The following CA10 variants were observed in gnomAD, a reference collection of about 807,000 sequenced individuals.
CA10 encodes the protein carbonic anhydrase-related protein 10.
Under a neutral mutation model 44.2 loss-of-function variants are expected in CA10, and 14 were observed. That is an observed-to-expected ratio of 0.32 (90% confidence interval 0.21 to 0.50). CA10 has a LOEUF of 0.50. Among genes scored for constraint, CA10 ranks in the 20% least tolerant of loss-of-function variants. CA10 has a pLI of 0.99. For missense variants in CA10, 350 were observed against 409.7 expected, an observed-to-expected ratio of 0.85 and a Z score of 1.26; for synonymous variants, 159 against 141.6, an observed-to-expected ratio of 1.12 and a Z score of -0.87.
In CA10 at chr17:52,106,653, C is replaced by T. The variant is rs114039090; in HGVS notation, c.62-34260G>A. ...GGAACTGTAACAGGCTATGCTACAA[C>T]TCTGTAATACTCCTTGGTAAATGAC... On this transcript the variant is annotated intron_variant, in intron 1 of 8. Transcript: ENST00000451037. Among the ~76,000 whole-genome samples, 370 of 152,284 alleles carry T rather than the reference C, an allele frequency of 2.4e-3. 1 individual carries two copies. Among genetic ancestry groups the T allele is most frequent in the African/African-American group, 8.4e-3 (350 of 41,548 alleles).
intron 1 of CA10, among the ~76,000 whole-genome samples, chr17:52,144,815 A>C (rs886845553): frequency 6.6e-6 from 1 of 152,222 alleles, no homozygotes; most frequent in Non-Finnish European, 1.5e-5. Context: ...TATCGAAAGC[A>C]AAAGCCACCA....
At chr17:51,746,643 G>A (rs373328597) in intron 4 of CA10, among the ~76,000 whole-genome samples, 42 of 152,286 alleles carry the variant, frequency 2.8e-4, no homozygotes, top group African/African-American at 9.6e-4. Flanking sequence ...CTCCTCTGTG[G>A]TAGGAGCCCT....
intron 4 of CA10, among the ~76,000 whole-genome samples, chr17:51,720,999 C>T (rs1916332922): frequency 6.6e-6 from 1 of 152,096 alleles, no homozygotes; most frequent in African/African-American, 2.4e-5. Flanking sequence ...ACATTGTATC[C>T]CACATATATA....
In CA10 at chr17:51,993,527, A is replaced by T. The variant is rs529107679; in HGVS notation, c.137-62395T>A. Among the ~76,000 whole-genome samples the T allele has an allele frequency of 5.1e-4, 78 of 152,132 alleles. 1 individual carries two copies. Among genetic ancestry groups the T allele is most frequent in the Admixed American group, 9.2e-4 (14 of 15,268 alleles). On this transcript the variant is annotated intron_variant, in intron 2 of 8. Transcript: ENST00000451037. The stretch of plus-strand genomic sequence containing the variant: ...TAGCATCCGTGTAACCATGAACAGA[A>T]ATCCTCCCCAGTGCCTCAGGTGTTC...
chr17:51,811,010 A>T (rs1907339375), intron 3 of CA10, among the ~76,000 whole-genome samples: 1 of 152,210 alleles, frequency 6.6e-6, no homozygotes, highest in Non-Finnish European at 1.5e-5. Context: ...AGCCTGGCCA[A>T]CATGGCGAAA....
chr17:51,784,334 C>T lies in CA10; in HGVS notation c.280-36516G>A, dbSNP rs80094227. 1.4e-4 allele frequency among the ~76,000 whole-genome samples: 21 copies of T among 152,178 alleles called. 1 individual carries two copies. In the East Asian group the frequency reaches 4.1e-3, roughly 30 times the overall value. On this transcript the variant is annotated intron_variant, in intron 3 of 8. Transcript: ENST00000451037. ...CCTGCAGCACTGTGATTCTCATTAG[C>T]CTCTGAAAGGTGTGAGGGAAACATG...
At chr17:51,812,242 G>C (rs1390622325) in intron 3 of CA10, among the ~76,000 whole-genome samples, 1 of 152,154 alleles carries the variant, frequency 6.6e-6, no homozygotes, top group East Asian at 1.9e-4. Context: ...TATAATTGAA[G>C]ACATTTAAAG....
At chr17:51,848,197 G>T (rs945449570) in intron 3 of CA10, among the ~76,000 whole-genome samples, 1 of 152,172 alleles carries the variant, frequency 6.6e-6, no homozygotes, top group African/African-American at 2.4e-5. Flanking sequence ...CTCTTCATTT[G>T]GTTGATGCAT....
At chr17:51,816,604 T>C (rs902575925) in intron 3 of CA10, among the ~76,000 whole-genome samples, 1 of 152,238 alleles carries the variant, frequency 6.6e-6, no homozygotes, top group African/African-American at 2.4e-5. Context: ...TATCCACAAC[T>C]AATTTTCTAA....
intron 2 of CA10, among the ~76,000 whole-genome samples, chr17:52,032,168 A>T (rs1402432424): frequency 6.6e-6 from 1 of 152,218 alleles, no homozygotes; most frequent in Non-Finnish European, 1.5e-5. Flanking sequence ...ATGGTTAAAA[A>T]TATAGCTGGT....
chr17:52,106,417 G>T (rs963278375), intron 1 of CA10, among the ~76,000 whole-genome samples: 3 of 152,222 alleles, frequency 2.0e-5, no homozygotes, highest in Non-Finnish European at 2.9e-5. Flanking sequence ...AGGGAGGTGT[G>T]AGAAATGAGT....
At chr17:52,063,007 G>C (rs1987431548) in intron 2 of CA10, among the ~76,000 whole-genome samples, 1 of 152,232 alleles carries the variant, frequency 6.6e-6, no homozygotes, top group Non-Finnish European at 1.5e-5. Context: ...TGTGGGGGCA[G>C]GGCTTTCCAA....
intron 1 of CA10, among the ~76,000 whole-genome samples, chr17:52,095,539 C>G (rs1179455393): frequency 2.0e-5 from 3 of 152,120 alleles, no homozygotes; most frequent in Non-Finnish European, 4.4e-5. Flanking sequence ...ATATTTGTAA[C>G]TATACCAGTT....
At chr17:52,147,511 G>T (rs1989614837) in intron 1 of CA10, among the ~76,000 whole-genome samples, 1 of 147,042 alleles carries the variant, frequency 6.8e-6, no homozygotes, top group African/African-American at 2.5e-5. Context: ...AAAAAAGCCT[G>T]CACTAACTTA....
At chr17:52,055,465 A>G (rs925925023) in intron 2 of CA10, among the ~76,000 whole-genome samples, 3 of 152,106 alleles carry the variant, frequency 2.0e-5, no homozygotes, top group Non-Finnish European at 2.9e-5. Flanking sequence ...AGTAAAACAA[A>G]TTTAGTGTGA....
chr17:51,656,718 A>C (rs1341777014), intron 4 of CA10, among the ~76,000 whole-genome samples: 1 of 152,226 alleles, frequency 6.6e-6, no homozygotes, highest in African/African-American at 2.4e-5. Flanking sequence ...CTTGTTAGAA[A>C]TGCAGAATCG....
intron 2 of CA10, among the ~76,000 whole-genome samples, chr17:51,940,767 C>A (rs959816131): frequency 6.6e-6 from 1 of 151,822 alleles, no homozygotes; most frequent in African/African-American, 2.4e-5. Flanking sequence ...GTTCTTATAA[C>A]TCCTGTGCTA....
intron 2 of CA10, among the ~76,000 whole-genome samples, chr17:51,991,944 T>G (rs1177172828): frequency 6.6e-6 from 1 of 152,122 alleles, no homozygotes. Flanking sequence ...ATCACAGACC[T>G]TATTCACTTA....
chr17:52,002,118 C>T (rs1985446429), intron 2 of CA10, among the ~76,000 whole-genome samples: 1 of 151,690 alleles, frequency 6.6e-6, no homozygotes. Context: ...CCAAGACTCC[C>T]ATGAAACTTT....
Sources: allele counts gnomAD v4.1 joint callset (sites outside exome capture counted in the v4.1 genomes callset), GRCh38; gene constraint gnomAD v4.1.1; transcripts MANE v1.5; gene names NCBI Gene and HGNC (gene_info 2026-07-23, HGNC 2026-07-21).